TVP23A: variants seen among roughly 807,000 people sequenced by gnomAD.
TVP23A encodes the protein trans-golgi network vesicle protein 23 homolog A, also known as Golgi apparatus membrane protein TVP23 homolog A.
A neutral mutation model predicts 31.7 loss-of-function variants in TVP23A; 21 were observed. The observed-to-expected ratio is 0.66, with a 90% CI of 0.47 to 0.95. The LOEUF is 0.95. Among genes scored for constraint, TVP23A ranks in the 40% least tolerant of loss-of-function variants. The probability of loss-of-function intolerance (pLI) is 0.00; values close to 1 mark genes in which losing one functional copy is unlikely to be tolerated. For synonymous variants in TVP23A, 104 were observed against 96.0 expected, an observed-to-expected ratio of 1.08 and a Z score of -0.49; for missense variants, 279 against 255.6, an observed-to-expected ratio of 1.09 and a Z score of -0.62.
In TVP23A at chr16:10,818,615, G is replaced by A. The variant is rs922516034; in HGVS notation, c.-122C>T. 1 of 1,290,774 alleles carries A rather than the reference G, an allele frequency of 7.7e-7. No individual in the cohort carries two copies. The highest frequency in any genetic ancestry group is 1.6e-5 in the African/African-American group (1 of 63,956). 80.0% of individuals were successfully genotyped at this position (1,290,774 alleles called of 1,614,324 possible). On this transcript the variant is annotated 5_prime_UTR_variant, in exon 1 of 8. Transcript: ENST00000299866. This position sits in a 1 kb window ranked among gnomAD's most constrained non-coding sequence, Gnocchi z 4.7. ...GCAGACGGTGGACGCTGAGGGTCGG[G>A]GCCTGCGCCCTGTGGGGCAGCCTCA...
At chr16:10,797,627 A>G (rs894829327) in intron 2 of TVP23A, among the ~76,000 whole-genome samples, 1 of 151,840 alleles carries the variant, frequency 6.6e-6, no homozygotes, top group Non-Finnish European at 1.5e-5. Context: ...ACTACTTGGG[A>G]GACTGAGGAT....
intron 2 of TVP23A, among the ~76,000 whole-genome samples, chr16:10,815,184 T>A (rs993705396): frequency 2.8e-5 from 4 of 144,514 alleles, no homozygotes; most frequent in Admixed American, 6.8e-5. Context: ...GAGGCTGAGA[T>A]CAGGAGTTTG....
chr16:10,800,484 C>T (rs191857520), intron 2 of TVP23A: 3 of 152,218 alleles, frequency 2.0e-5, no homozygotes, highest in Admixed American at 2.0e-4. Flanking sequence ...AAAGCTATAA[C>T]CAAACCAATG....
At chr16:10,805,896 G>A (rs1596565997) in intron 2 of TVP23A, among the ~76,000 whole-genome samples, 1 of 152,028 alleles carries the variant, frequency 6.6e-6, no homozygotes, top group East Asian at 1.9e-4. Flanking sequence ...TCAAAGAGGT[G>A]GGCGATCTGG....
At chr16:10,808,395 G>T in intron 2 of TVP23A, 1 of 368,328 alleles carries the variant, frequency 2.7e-6, no homozygotes, top group Non-Finnish European at 5.4e-6. Context: ...TCACGTGTTT[G>T]CCTGAAGACC....
At chr16:10,789,703 C>T (rs1454522296) in intron 2 of TVP23A, among the ~76,000 whole-genome samples, 1 of 143,500 alleles carries the variant, frequency 7.0e-6, no homozygotes, top group Non-Finnish European at 1.5e-5. Flanking sequence ...GGCGTGGTGG[C>T]AGGTGCCTGT....
intron 2 of TVP23A, among the ~76,000 whole-genome samples, chr16:10,813,933 A>G (rs2034314808): frequency 7.6e-6 from 1 of 132,218 alleles, no homozygotes. Context: ...CGGGAGGCAG[A>G]GGTTGCAGTG....
At chr16:10,757,960 A>G (rs370230706), downstream of TVP23A, 22 of 1,613,484 alleles carry the variant, frequency 1.4e-5, no homozygotes, top group African/African-American at 2.7e-5. The surrounding 1 kb of genome is among the most constrained non-coding windows in gnomAD (Gnocchi z 4.1). Flanking sequence ...TCGGATGAAC[A>G]CCTCTCGGTC....
intron 7 of TVP23A, 40 bp downstream of exon 7, chr16:10,770,232 C>T (rs1188941531): frequency 3.2e-6 from 5 of 1,548,502 alleles, no homozygotes; most frequent in Non-Finnish European, 2.6e-6. Flanking sequence ...TTTCAGAATT[C>T]CCCAGTTCCT....
At chr16:10,775,479 G>A in intron 2 of TVP23A, 1 of 1,064,704 alleles carries the variant, frequency 9.4e-7, no homozygotes, top group Non-Finnish European at 1.1e-6. Flanking sequence ...TCCACCACCA[G>A]TCACTGAGCT....
At position 10,771,905 on chromosome 16, in the gene TVP23A, G is replaced by A. The variant is rs572870725; in HGVS notation, c.454-107C>T. The stretch of plus-strand genomic sequence containing the variant: ...ACGATCTCAGCTCACTGCAAGTTCC[G>A]CCTCCCGGGTTCACACCATTCTCCT... On this transcript the variant is annotated intron_variant, in intron 5 of 7. Coordinates refer to ENST00000299866, the MANE Select transcript of TVP23A (RefSeq NM_001079512.4). The A allele has an allele frequency of 2.4e-4, 345 of 1,421,404 alleles. 1 individual carries two copies. The African/African-American group carries it at 3.8e-3, about 16-fold the overall frequency. 88.0% of individuals were successfully genotyped at this position (1,421,404 alleles called of 1,614,324 possible). A position where few individuals can be genotyped will look rare whatever the true frequency, so the allele number is the denominator to read the frequency against.
intron 2 of TVP23A, among the ~76,000 whole-genome samples, chr16:10,809,668 G>C (rs888888371): frequency 6.6e-6 from 1 of 152,284 alleles, no homozygotes; most frequent in Admixed American, 6.5e-5. Flanking sequence ...AAGCCTATTT[G>C]CACCTGCCAG....
chr16:10,788,399 T>C (rs558279105), intron 2 of TVP23A, among the ~76,000 whole-genome samples: 16 of 152,116 alleles, frequency 1.1e-4, no homozygotes, highest in African/African-American at 3.9e-4. Flanking sequence ...CTCAGCCTCC[T>C]GAGCAGCTGG....
chr16:10,774,051 A>G lies in TVP23A; in HGVS notation c.312T>C (p.Phe104=). The G allele has an allele frequency of 6.2e-7, 1 of 1,611,400 alleles. No homozygotes were observed. Among genetic ancestry groups the G allele is most frequent in the Non-Finnish European group, 8.5e-7 (1 of 1,178,764 alleles). ...TCATGGAGAATACCTTCCTGGCTTC[A>G]AAGATCCAGTGGCTCTTCCCATCTT... ...IDEDGKSHWI[F]EARKVSPNSI... Residue 104 remains phenylalanine, a synonymous_variant, in exon 4 of 8, where the codon TTT becomes TTC. Transcript: ENST00000299866.
intron 2 of TVP23A, among the ~76,000 whole-genome samples, chr16:10,795,804 G>A (rs1225527249): frequency 6.6e-6 from 1 of 152,120 alleles, no homozygotes; most frequent in Non-Finnish European, 1.5e-5. Flanking sequence ...ATTCAAGGAT[G>A]GAGGACTGAG....
intron 2 of TVP23A, chr16:10,775,576 AATGG>A: frequency 2.0e-6 from 2 of 1,000,826 alleles, no homozygotes; most frequent in East Asian, 9.9e-5. Flanking sequence ...GTGACCTGTG[AATGG>A]CAGGTCTAAC....
intron 3 of TVP23A, among the ~76,000 whole-genome samples, chr16:10,774,551 G>A (rs1021153144): frequency 3.0e-4 from 45 of 150,828 alleles, no homozygotes; most frequent in African/African-American, 1.0e-3. Flanking sequence ...TAAGTGCCAC[G>A]AGATCTGATG....
At chr16:10,806,658 C>T (rs983034332) in intron 2 of TVP23A, among the ~76,000 whole-genome samples, 2 of 152,086 alleles carry the variant, frequency 1.3e-5, no homozygotes, top group Admixed American at 6.6e-5. Context: ...CCTGCCATCA[C>T]GTCCAGCTGA....
chr16:10,776,566 G>T (rs932604959), intron 2 of TVP23A, among the ~76,000 whole-genome samples: 7 of 152,068 alleles, frequency 4.6e-5, no homozygotes, highest in African/African-American at 9.7e-5. Flanking sequence ...GAAATCAATG[G>T]CACGAGCCCA....
Sources: allele counts gnomAD v4.1 joint callset (sites outside exome capture counted in the v4.1 genomes callset), GRCh38; gene constraint gnomAD v4.1.1; non-coding constraint Gnocchi (gnomAD v3.1); transcripts MANE v1.5; gene names NCBI Gene and HGNC (gene_info 2026-07-23, HGNC 2026-07-21).